CFL1: variants seen among roughly 807,000 people sequenced by gnomAD.
CFL1 encodes cofilin-1.
In CFL1, 2 loss-of-function variants were observed where a neutral mutation model predicts 16.3. The observed-to-expected ratio is 0.12, with a 90% CI of 0.05 to 0.39. The LOEUF (loss-of-function observed/expected upper bound fraction) is 0.39. Ranked by LOEUF, CFL1 falls within the 10% of genes least tolerant of loss-of-function variation. CFL1 has a pLI of 0.99. For synonymous variants in CFL1, 111 were observed against 84.4 expected (o/e 1.31, Z -1.73); for missense variants, 75 against 212.2 (o/e 0.35, Z 4.02).
Position 65,856,248 on chromosome 11 carries a change from A to G in CFL1, c.4-6T>C. 1 of 1,610,702 alleles carries G rather than the reference A, an allele frequency of 6.2e-7. No homozygotes were observed. Among genetic ancestry groups the G allele is most frequent in the Non-Finnish European group, 8.5e-7 (1 of 1,177,258 alleles). On this transcript the variant is annotated splice_region_variant and splice_polypyrimidine_tract_variant and intron_variant, in intron 1 of 3. Transcript: ENST00000308162. ...GAGACAGCCACACCGGAGGCCTAGG[A>G]GACATGCCACGTATACGTCAAGAAA...
intron 1 of CFL1, 155 bp from the exon 2 acceptor site, chr11:65,856,397 A>G: frequency 1.5e-6 from 1 of 665,100 alleles, no homozygotes; most frequent in Non-Finnish European, 2.6e-6. Flanking sequence ...AAAGAACCAG[A>G]TGGGACACAA....
Position 65,855,279 on chromosome 11 carries a change from A to AC in CFL1, c.*56dup, listed in dbSNP as rs1165032365. 2 of 1,452,314 alleles carry AC rather than the reference A, an allele frequency of 1.4e-6. No homozygotes were observed. Among genetic ancestry groups the AC allele is most frequent in the African/African-American group, 1.4e-5 (1 of 71,674 alleles). 90.0% of individuals were successfully genotyped at this position (1,452,314 alleles called of 1,614,324 possible). On this transcript the variant is annotated 3_prime_UTR_variant, in exon 4 of 4. Transcript: ENST00000308162. The stretch of plus-strand genomic sequence containing the variant: ...TCTGGCAGGAAGGGGGCAGCCTGCA[A>AC]CCCCCAAGGGCAGGTGTGGGGCTGC...
Position 65,854,942 on chromosome 11 carries a change from T to C in CFL1, c.*394A>G. Reference sequence around the variant, plus strand: ...AGGGGTCATCTCCACAACATTCCATTTATACACAGAACTAAACAGACAAGC... The same window carrying C: ...AGGGGTCATCTCCACAACATTCCATCTATACACAGAACTAAACAGACAAGC... On this transcript the variant is annotated 3_prime_UTR_variant, in exon 4 of 4. Coordinates refer to ENST00000308162, the MANE Select transcript of CFL1 (RefSeq NM_005507.3). 5.2e-6 allele frequency: 1 copy of C among 192,260 alleles called. No individual in the cohort carries two copies. Among genetic ancestry groups the C allele is most frequent in the South Asian group, 8.7e-5 (1 of 11,544 alleles). The allele number at this position is 192,260 out of a possible 1,614,324, so 11.9% of individuals were successfully genotyped here.
intron 2 of CFL1, 100 bp from the exon 3 acceptor site, chr11:65,855,830 C>T: frequency 1.3e-6 from 2 of 1,499,096 alleles, no homozygotes; most frequent in Non-Finnish European, 1.8e-6. Flanking sequence ...TTGTTACAAC[C>T]CCCTCCCCCT....
chr11:65,855,468 G>C lies in CFL1; in HGVS notation c.389-20C>G. Reference sequence around the variant, plus strand: ...TGATCCCTATAAAGAAGAAAGGGGAGCATCTGTGAGCAGGAAGCACTGGGG... The same window carrying C: ...TGATCCCTATAAAGAAGAAAGGGGACCATCTGTGAGCAGGAAGCACTGGGG... On this transcript the variant is annotated intron_variant, in intron 3 of 3. Transcript: ENST00000308162. 6.2e-7 allele frequency: 1 copy of C among 1,608,970 alleles called. No homozygotes were observed. The highest frequency in any genetic ancestry group is 8.5e-7 in the Non-Finnish European group (1 of 1,175,720).
chr11:65,855,524 CAATCAAAGCAGATGG>C lies in CFL1; in HGVS notation c.389-91_389-77del. The stretch of plus-strand genomic sequence containing the variant: ...GTAGTTTCTGTGGCTGGGAAGGAGC[CAATCAAAGCAGATGG>C]AAGGAACAAGCAGGCAGCGAAGACA... On this transcript the variant is annotated intron_variant, in intron 3 of 3. Coordinates refer to ENST00000308162, the MANE Select transcript of CFL1 (RefSeq NM_005507.3). 6 of 1,562,938 alleles carry C rather than the reference CAATCAAAGCAGATGG, an allele frequency of 3.8e-6. No homozygotes were observed. In the East Asian group the frequency reaches 1.3e-4, roughly 35 times the overall value.
chr11:65,856,322 G>A lies in CFL1; in HGVS notation c.4-80C>T, dbSNP rs1052963524. On this transcript the variant is annotated intron_variant, in intron 1 of 3. Coordinates refer to ENST00000308162, the MANE Select transcript of CFL1 (RefSeq NM_005507.3). ...GTTTTTTCAGAAGATCTCAGTCCAC[G>A]TCCCGAGTGGTCACTAGTGCCCTTC... 2.2e-5 allele frequency: 31 copies of A among 1,394,536 alleles called. 1 individual carries two copies. Among genetic ancestry groups the A allele is most frequent in the East Asian group, 4.6e-5 (2 of 43,488 alleles). 86.4% of individuals were successfully genotyped at this position (1,394,536 alleles called of 1,614,324 possible).
Position 65,855,202 on chromosome 11 carries a change from C to T in CFL1, c.*134G>A. 1 of 675,352 alleles carries T rather than the reference C, an allele frequency of 1.5e-6. No individual in the cohort carries two copies. Among genetic ancestry groups the T allele is most frequent in the South Asian group, 1.8e-5 (1 of 56,216 alleles). The allele number at this position is 675,352 out of a possible 1,614,324, so 41.8% of individuals were successfully genotyped here. A position where few individuals can be genotyped will look rare whatever the true frequency, so the allele number is the denominator to read the frequency against. The stretch of plus-strand genomic sequence containing the variant: ...AGGGGGTGGGGGGTCTGTTTGGCAA[C>T]TGGGGTGAAGGGATTGCCCTCCCCC... On this transcript the variant is annotated 3_prime_UTR_variant, in exon 4 of 4. Transcript: ENST00000308162.
chr11:65,856,787 G>A (rs1261651166), intron 1 of CFL1: 1 of 155,524 alleles, frequency 6.4e-6, no homozygotes. Context: ...TCCCAACCAA[G>A]ACAAGAATTG....
At chr11:65,858,043 C>G in intron 1 of CFL1, 54 bp downstream of exon 1, 3 of 1,515,152 alleles carry the variant, frequency 2.0e-6, no homozygotes, top group Middle Eastern at 2.3e-4. Context: ...GCTTCCCGCG[C>G]GCAGGCGACC....
chr11:65,855,758 C>T (rs1303376390), intron 2 of CFL1, 28 bp from the exon 3 acceptor site: 2 of 1,526,956 alleles, frequency 1.3e-6, no homozygotes, highest in South Asian at 1.3e-5. Context: ...TCAGGCAACT[C>T]CCAGCAACAG....
At position 65,855,942 on chromosome 11, in the gene CFL1, T is replaced by C; in HGVS notation, c.304A>G (p.Ile102Val). ...GTGCCAGAATGAGCTCACCAGAAGATAAACACCAGATCCTCCTTCTTGCTC... is the reference window on the plus strand; with the variant it reads ...GTGCCAGAATGAGCTCACCAGAAGACAAACACCAGATCCTCCTTCTTGCTC... The part of the protein sequence containing the change: ...KESKKEDLVF[I>V]FWAPESAPLK... The change falls in exon 2 of 4, where the codon ATC becomes GTC. Residue 102 changes from isoleucine to valine, a missense_variant. By Grantham distance (29) the Ile-to-Val change is conservative. Transcript: ENST00000308162. 2 of 1,610,536 alleles carry C rather than the reference T, an allele frequency of 1.2e-6. No individual in the cohort carries two copies. The highest frequency in any genetic ancestry group is 1.7e-6 in the Non-Finnish European group (2 of 1,176,954).
In CFL1 at chr11:65,857,095, A is replaced by G. The variant is rs924626112; in HGVS notation, c.4-853T>C. 11 of 157,578 alleles carry G rather than the reference A, an allele frequency of 7.0e-5. No individual in the cohort carries two copies. The East Asian group carries it at 9.6e-4, about 14-fold the overall frequency. The allele number at this position is 157,578 out of a possible 1,614,324, so 9.8% of individuals were successfully genotyped here. ...TCGGCTGGGCCCGGCCCCCTCACCAATGCAGAAACGCGTATCCGAGAGGCA... is the reference window on the plus strand; with the variant it reads ...TCGGCTGGGCCCGGCCCCCTCACCAGTGCAGAAACGCGTATCCGAGAGGCA... On this transcript the variant is annotated intron_variant, in intron 1 of 3. Coordinates refer to ENST00000308162, the MANE Select transcript of CFL1 (RefSeq NM_005507.3).
rs962198677 is a variant in CFL1, at chr11:65,855,022, T to G, written c.*314A>C. 2.1e-5 allele frequency: 7 copies of G among 326,648 alleles called. No homozygotes were observed. The highest frequency in any genetic ancestry group is 1.3e-4 in the African/African-American group (6 of 46,572). 20.2% of individuals were successfully genotyped at this position (326,648 alleles called of 1,614,324 possible). On this transcript the variant is annotated 3_prime_UTR_variant, in exon 4 of 4. Coordinates refer to ENST00000308162, the MANE Select transcript of CFL1 (RefSeq NM_005507.3). ...CAGCATGGGAAGGGGGAGGACCAGGTGGGGAATGGGGATGTTGTTAAAAAA... is the reference window on the plus strand; with the variant it reads ...CAGCATGGGAAGGGGGAGGACCAGGGGGGGAATGGGGATGTTGTTAAAAAA...
Position 65,858,117 on chromosome 11 carries a change from GGA to G in CFL1, c.-20_-19del. 1 of 1,531,032 alleles carries G rather than the reference GGA, an allele frequency of 6.5e-7. No homozygotes were observed. The highest frequency in any genetic ancestry group is 1.2e-5 in the South Asian group (1 of 82,048). 94.8% of individuals were successfully genotyped at this position (1,531,032 alleles called of 1,614,324 possible). On this transcript the variant is annotated 5_prime_UTR_variant, in exon 1 of 4. Coordinates refer to ENST00000308162, the MANE Select transcript of CFL1 (RefSeq NM_005507.3). ...CTCACCATGTTTCCGGAAACGAAAA[GGA>G]GAGGGCACCGAGAGCCGCAGAAGAC...
chr11:65,855,721 C>T lies in CFL1; in HGVS notation c.321G>A (p.Glu107=), dbSNP rs1381928030. Residue 107 remains glutamate, a synonymous_variant, in exon 3 of 4, where the codon GAG becomes GAA. Coordinates refer to ENST00000308162, the MANE Select transcript of CFL1 (RefSeq NM_005507.3). ...EDLVFIFWAP[E]SAPLKSKMIY... ...TCATTTTGCTCTTAAGGGGCGCAGA[C>T]TCGGGGGCCCTGGACAGAAACACGC... The T allele has an allele frequency of 1.3e-6, 2 of 1,549,586 alleles. No homozygotes were observed. Among genetic ancestry groups the T allele is most frequent in the African/African-American group, 1.4e-5 (1 of 72,384 alleles).
At chr11:65,855,535 G>A in intron 3 of CFL1, 87 bp from the exon 4 acceptor site, 9 of 1,559,024 alleles carry the variant, frequency 5.8e-6, no homozygotes, top group Non-Finnish European at 8.0e-6. Flanking sequence ...AATCAAAGCA[G>A]ATGGAAGGAA....
In CFL1 at chr11:65,855,248, C is replaced by A; in HGVS notation, c.*88G>T. On this transcript the variant is annotated 3_prime_UTR_variant, in exon 4 of 4. Transcript: ENST00000308162. The stretch of plus-strand genomic sequence containing the variant: ...CCCCCTGCTGGGATCCCCCCAGCCC[C>A]TCCGGTCTGGCAGGAAGGGGGCAGC... The A allele has an allele frequency of 2.7e-6, 3 of 1,122,332 alleles. No individual in the cohort carries two copies. In the South Asian group the frequency reaches 3.8e-5, roughly 14 times the overall value. The allele number at this position is 1,122,332 out of a possible 1,614,324, so 69.5% of individuals were successfully genotyped here.
At position 65,858,180 on chromosome 11, in the gene CFL1, C is replaced by A; in HGVS notation, c.-81G>T. On this transcript the variant is annotated 5_prime_UTR_variant, in exon 1 of 4. Transcript: ENST00000308162. ...CAGCCGCTGCCGGGACCCGACTGAA[C>A]GCGGCCTCTCCCGGCCCCTTCCGTT... is the stretch of plus-strand genomic sequence containing the variant. 6.9e-7 allele frequency: 1 copy of A among 1,457,802 alleles called. No homozygotes were observed. Among genetic ancestry groups the A allele is most frequent in the South Asian group, 1.3e-5 (1 of 78,390 alleles). The allele number at this position is 1,457,802 out of a possible 1,614,324, so 90.3% of individuals were successfully genotyped here.
Sources: allele counts gnomAD v4.1 joint callset, GRCh38; gene constraint gnomAD v4.1.1; transcripts MANE v1.5; gene names NCBI Gene and HGNC (gene_info 2026-07-23, HGNC 2026-07-21).